Variants in SLC15A5 observed in about 807,000 individuals in gnomAD.
SLC15A5 encodes solute carrier family 15 member 5, also known as Peptide/histidine transporter ENSP00000340402.
Under a neutral mutation model 56.1 loss-of-function variants are expected in SLC15A5, and 58 were observed. The observed-to-expected ratio is 1.03, with a 90% CI of 0.84 to 1.29. The LOEUF (loss-of-function observed/expected upper bound fraction) is 1.29. Ranked by LOEUF, SLC15A5 falls within the 50% of genes most tolerant of loss-of-function variation. The pLI, the probability that SLC15A5 is intolerant of heterozygous loss-of-function variation, is 0.00. For missense variants in SLC15A5, 681 were observed against 672.1 expected (o/e 1.01, Z -0.15); for synonymous variants, 264 against 250.5 (o/e 1.05, Z -0.51).
chr12:16,244,533 G>T (rs539906437), intron 4 of SLC15A5, 47 bp downstream of exon 4: 208 of 1,481,372 alleles, frequency 1.4e-4, no homozygotes, highest in Admixed American at 3.1e-4. Flanking sequence ...CTGTTGACAT[G>T]CAATCACTTT....
chr12:16,264,000 A>C (rs2136815198), intron 2 of SLC15A5, among the ~76,000 whole-genome samples: 1 of 152,356 alleles, frequency 6.6e-6, no homozygotes, highest in African/African-American at 2.4e-5. Context: ...CAGAGCACCC[A>C]CACAGAGTTC....
intron 6 of SLC15A5, among the ~76,000 whole-genome samples, chr12:16,220,732 C>T (rs530574828): frequency 6.6e-6 from 1 of 152,128 alleles, no homozygotes; most frequent in African/African-American, 2.4e-5. Context: ...GTGCACCCTT[C>T]TCTGATTAGA....
At chr12:16,206,303 A>G (rs1236186174) in intron 7 of SLC15A5, among the ~76,000 whole-genome samples, 1 of 152,198 alleles carries the variant, frequency 6.6e-6, no homozygotes, top group African/African-American at 2.4e-5. Context: ...ATGTAATGAA[A>G]TAGTATCTTC....
At position 16,267,907 on chromosome 12, in the gene SLC15A5, T is replaced by TAA. The variant is rs79485675; in HGVS notation, c.584+4652_584+4653dup. ...GTTCACCCCACCATGCCTGGGTAAT[T>TAA]AAAAAAAAATGTTTTTTTGGTAGAG... On this transcript the variant is annotated intron_variant, in intron 2 of 8. Coordinates refer to ENST00000344941, the MANE Select transcript of SLC15A5 (RefSeq NM_001170798.1). 3.0e-3 allele frequency among the ~76,000 whole-genome samples: 292 copies of TAA among 97,382 alleles called. 74 individuals are homozygous for TAA. The highest frequency in any genetic ancestry group is 0.027 in the Middle Eastern group (6 of 222). The allele number at this position is 97,382 out of a possible 152,430, so 63.9% of individuals were successfully genotyped here.
chr12:16,225,849 A>T (rs2136250180), intron 5 of SLC15A5, among the ~76,000 whole-genome samples: 1 of 152,278 alleles, frequency 6.6e-6, no homozygotes, highest in Non-Finnish European at 1.5e-5. Context: ...TGCCCTCGGG[A>T]TATCCAGACG....
At chr12:16,209,305 G>GTGTGTATATATACATATATAC (rs1864055760) in intron 7 of SLC15A5, among the ~76,000 whole-genome samples, 1 of 151,504 alleles carries the variant, frequency 6.6e-6, no homozygotes, top group African/African-American at 2.4e-5. Context: ...TACATATATA[G>GTGTGTATATATACATATATAC]TTCCCTCCTT....
chr12:16,238,320 C>T (rs1476493758), intron 5 of SLC15A5, among the ~76,000 whole-genome samples: 2 of 152,150 alleles, frequency 1.3e-5, no homozygotes, highest in Non-Finnish European at 2.9e-5. Flanking sequence ...GCCATAGTCT[C>T]CTAAGTCTCT....
chr12:16,200,382 A>G (rs1033571112), intron 7 of SLC15A5, among the ~76,000 whole-genome samples: 19 of 151,956 alleles, frequency 1.3e-4, no homozygotes, highest in Non-Finnish European at 2.2e-4. Context: ...TTAAGTAATG[A>G]AATCATAAAA....
At chr12:16,267,482 C>T (rs771873026) in intron 2 of SLC15A5, among the ~76,000 whole-genome samples, 1 of 115,706 alleles carries the variant, frequency 8.6e-6, no homozygotes, top group Admixed American at 8.7e-5. Context: ...TCTGTAAATA[C>T]ATATTTTTTT....
intron 1 of SLC15A5, among the ~76,000 whole-genome samples, chr12:16,273,718 C>G (rs1040399745): frequency 1.1e-4 from 16 of 143,478 alleles, no homozygotes; most frequent in Non-Finnish European, 1.5e-5. Flanking sequence ...GACCTCCTAC[C>G]ATCAAGTAGT....
chr12:16,210,937 G>C (rs1864073909), intron 7 of SLC15A5, among the ~76,000 whole-genome samples: 1 of 152,170 alleles, frequency 6.6e-6, no homozygotes, highest in Non-Finnish European at 1.5e-5. Context: ...TATGAGGGGG[G>C]CTTTGCATCT....
At position 16,224,333 on chromosome 12, in the gene SLC15A5, T is replaced by G. The variant is rs374670856; in HGVS notation, c.1351+81A>C. 295 of 1,339,980 alleles carry G rather than the reference T, an allele frequency of 2.2e-4. 5 individuals carry two copies. The South Asian group carries it at 4.3e-3, about 19-fold the overall frequency. 83.0% of individuals were successfully genotyped at this position (1,339,980 alleles called of 1,614,324 possible). A position where few individuals can be genotyped will look rare whatever the true frequency, so the allele number is the denominator to read the frequency against. On this transcript the variant is annotated intron_variant, in intron 6 of 8. Transcript: ENST00000344941. ...AGGAGGTGAATAGATGACATACCAC[T>G]TTAATTGTTCTGGTTGAGGTGATGT...
intron 2 of SLC15A5, among the ~76,000 whole-genome samples, chr12:16,268,765 T>G (rs959495925): frequency 6.6e-6 from 1 of 152,166 alleles, no homozygotes; most frequent in African/African-American, 2.4e-5. Flanking sequence ...TAGATTTTCC[T>G]TATGGCTCTG....
chr12:16,200,626 A>G (rs1863945965), intron 7 of SLC15A5, among the ~76,000 whole-genome samples: 1 of 152,134 alleles, frequency 6.6e-6, no homozygotes, highest in Non-Finnish European at 1.5e-5. Flanking sequence ...CAAGAAATTG[A>G]AGATATGCCT....
chr12:16,242,627 C>T (rs1864423849), intron 4 of SLC15A5, among the ~76,000 whole-genome samples: 1 of 152,102 alleles, frequency 6.6e-6, no homozygotes, highest in Non-Finnish European at 1.5e-5. Context: ...CTGTGCTTTG[C>T]AATAAGTTGC....
At position 16,244,627 on chromosome 12, in the gene SLC15A5, G is replaced by A; in HGVS notation, c.928C>T (p.Leu310Phe). ...AGGAGCTGAAAAATGAAGAGAGGGAGAAGGGTGAGGAAAAATGTTGTGTCT... is the reference window on the plus strand; with the variant it reads ...AGGAGCTGAAAAATGAAGAGAGGGAAAAGGGTGAGGAAAAATGTTGTGTCT... ...VEDTTFFLTL[L>F]PLFIFQLLYR... Residue 310 changes from leucine (L) to phenylalanine (F), a missense_variant, in exon 4 of 9, where the codon CTC becomes TTC. Leu to Phe is a conservative substitution (Grantham distance 22). Transcript: ENST00000344941. 1 of 1,537,740 alleles carries A rather than the reference G, an allele frequency of 6.5e-7. No homozygotes were observed. The highest frequency in any genetic ancestry group is 2.4e-5 in the East Asian group (1 of 40,912).
At chr12:16,204,737 A>C (rs3847920) in intron 7 of SLC15A5, among the ~76,000 whole-genome samples, 80,138 of 151,786 alleles carry the variant, frequency 0.53, 21,581 homozygotes, top group South Asian at 0.73. Context: ...TATGGTTGTG[A>C]AATATTTAAA....
chr12:16,211,036 A>T (rs549957174), intron 7 of SLC15A5, among the ~76,000 whole-genome samples: 8 of 152,308 alleles, frequency 5.3e-5, no homozygotes, highest in African/African-American at 1.9e-4. Context: ...GCACTAAACC[A>T]GTTGACAAGT....
chr12:16,189,012 T>G lies in SLC15A5; in HGVS notation c.*656A>C, dbSNP rs1863814366. 1 of 97,774 alleles carries G rather than the reference T, an allele frequency of 1.0e-5. No homozygotes were observed. The highest frequency in any genetic ancestry group is 2.6e-5 in the Non-Finnish European group (1 of 38,560). 6.1% of individuals were successfully genotyped at this position (97,774 alleles called of 1,614,324 possible). On this transcript the variant is annotated 3_prime_UTR_variant, in exon 9 of 9. Transcript: ENST00000344941. Reference sequence around the variant, plus strand: ...CCTCATTTTATCTTCCCTAATTTCCTTCTTTCTTTTAATTCCAATAATTCC... The same window carrying G: ...CCTCATTTTATCTTCCCTAATTTCCGTCTTTCTTTTAATTCCAATAATTCC...
Sources: gnomAD v4.1 joint callset for allele counts (sites outside exome capture counted in the v4.1 genomes callset) on GRCh38, gnomAD v4.1.1 for gene constraint, MANE v1.5 for transcripts, NCBI Gene and HGNC (gene_info 2026-07-23, HGNC 2026-07-21) for gene names.